The following PRKAR2A variants were observed in gnomAD, a reference collection of about 807,000 sequenced individuals.
The protein encoded by PRKAR2A is protein kinase cAMP-dependent type II regulatory subunit alpha.
A neutral mutation model predicts 51.9 loss-of-function variants in PRKAR2A; 29 were observed. That is an observed-to-expected ratio of 0.56 (90% CI 0.42 to 0.76). The LOEUF (loss-of-function observed/expected upper bound fraction) is 0.76, where lower values mean the gene tolerates loss of function less well. Ranked by LOEUF, PRKAR2A falls within the 30% of genes least tolerant of loss-of-function variation. The pLI, the probability that PRKAR2A is intolerant of heterozygous loss-of-function variation, is 0.00. For missense variants in PRKAR2A, 445 were observed against 512.1 expected (o/e 0.87, Z 1.26); for synonymous variants, 178 against 186.2 (o/e 0.96, Z 0.36).
chr3:48,791,285 TAAA>T (rs35380085), intron 3 of PRKAR2A, among the ~76,000 whole-genome samples: 8 of 43,744 alleles, frequency 1.8e-4, no homozygotes, highest in Admixed American at 9.6e-4. Flanking sequence ...GATTCCATCT[TAAA>T]AAAAAAAAAA....
chr3:48,819,252 G>A (rs2107397453), intron 1 of PRKAR2A, among the ~76,000 whole-genome samples: 1 of 152,332 alleles, frequency 6.6e-6, no homozygotes, highest in East Asian at 1.9e-4. Flanking sequence ...CTGACTTCAG[G>A]TGATCCGCCA....
intron 1 of PRKAR2A, among the ~76,000 whole-genome samples, chr3:48,826,242 G>A (rs2083061701): frequency 6.6e-6 from 1 of 152,150 alleles, no homozygotes; most frequent in Admixed American, 6.5e-5. Context: ...TTCCAGCCTG[G>A]GTGACAGAAG....
At chr3:48,844,869 T>C (rs910688408) in intron 1 of PRKAR2A, among the ~76,000 whole-genome samples, 1 of 146,458 alleles carries the variant, frequency 6.8e-6, no homozygotes, top group Non-Finnish European at 1.5e-5. Flanking sequence ...TTAGGAGATA[T>C]ACCTAATGCT....
At chr3:48,816,809 T>A (rs746303721) in intron 1 of PRKAR2A, among the ~76,000 whole-genome samples, 4 of 152,070 alleles carry the variant, frequency 2.6e-5, no homozygotes, top group Non-Finnish European at 5.9e-5. Flanking sequence ...AATGCAAGTT[T>A]AAAAGGAGAG....
intron 1 of PRKAR2A, among the ~76,000 whole-genome samples, chr3:48,811,555 C>CA (rs375335569): frequency 2.0e-4 from 30 of 152,126 alleles, no homozygotes; most frequent in Admixed American, 6.5e-4. Flanking sequence ...CAGCCAGACA[C>CA]AAAAAAATCA....
intron 1 of PRKAR2A, among the ~76,000 whole-genome samples, chr3:48,841,041 C>A (rs912702885): frequency 1.3e-5 from 2 of 150,748 alleles, no homozygotes; most frequent in African/African-American, 4.9e-5. Context: ...ACCACCACAC[C>A]CAGCTAATTT....
chr3:48,826,781 T>C (rs900114805), intron 1 of PRKAR2A, among the ~76,000 whole-genome samples: 1 of 151,872 alleles, frequency 6.6e-6, no homozygotes. Flanking sequence ...TTAGACACAT[T>C]ATGCCAGGAA....
intron 1 of PRKAR2A, 115 bp from the exon 2 acceptor site, chr3:48,807,799 G>A: frequency 1.3e-6 from 1 of 768,646 alleles, no homozygotes; most frequent in Non-Finnish European, 2.3e-6. Flanking sequence ...ACCAAGCAGT[G>A]GGTCAGTTCA....
At chr3:48,773,459 T>C (rs2082060433) in intron 5 of PRKAR2A, among the ~76,000 whole-genome samples, 2 of 148,468 alleles carry the variant, frequency 1.3e-5, no homozygotes, top group African/African-American at 5.0e-5. Context: ...TTCTCCTGCC[T>C]CAGCCTCCCG....
At chr3:48,785,994 A>C (rs1286565076) in intron 4 of PRKAR2A, among the ~76,000 whole-genome samples, 2 of 152,188 alleles carry the variant, frequency 1.3e-5, no homozygotes, top group Non-Finnish European at 2.9e-5. Context: ...CAAATATACT[A>C]ATCAGAAAAA....
intron 8 of PRKAR2A, among the ~76,000 whole-genome samples, chr3:48,759,630 G>A (rs200472956): frequency 1.2e-4 from 19 of 152,156 alleles, no homozygotes; most frequent in African/African-American, 3.6e-4. Context: ...CAGGTGATCC[G>A]CCTGCCTCGG....
In PRKAR2A at chr3:48,773,082, T is replaced by C; in HGVS notation, c.569A>G (p.Lys190Arg). The C allele has an allele frequency of 6.2e-7, 1 of 1,610,280 alleles. No individual in the cohort carries two copies. Among genetic ancestry groups the C allele is most frequent in the Non-Finnish European group, 8.5e-7 (1 of 1,177,830 alleles). Residue 190 changes from lysine to arginine, a missense_variant, in exon 6 of 11, where the codon AAA becomes AGA. Lys to Arg is a conservative substitution (Grantham distance 26, BLOSUM62 2). Coordinates refer to ENST00000265563, the MANE Select transcript of PRKAR2A (RefSeq NM_004157.4). ...ACCAACAGAGCGGGTTTGATTATCTTTTGTTACTAAAATGTCATAAGTTCC... is the reference window on the plus strand; with the variant it reads ...ACCAACAGAGCGGGTTTGATTATCTCTTGTTACTAAAATGTCATAAGTTCC... Reference protein sequence around the residue: ...ERGTYDILVTKDNQTRSVGQY... With the variant: ...ERGTYDILVTRDNQTRSVGQY...
intron 1 of PRKAR2A, among the ~76,000 whole-genome samples, chr3:48,807,919 T>C (rs1157798891): frequency 6.6e-6 from 1 of 152,248 alleles, no homozygotes; most frequent in East Asian, 1.9e-4. Context: ...ATATTCAACC[T>C]GGCAATTTTA....
chr3:48,784,577 C>T (rs1243193953), intron 4 of PRKAR2A, among the ~76,000 whole-genome samples: 2 of 152,134 alleles, frequency 1.3e-5, no homozygotes, highest in Admixed American at 6.6e-5. Context: ...TGCTGGAAGC[C>T]GCTTGTTCTG....
chr3:48,798,510 T>C (rs1325528340), intron 2 of PRKAR2A, among the ~76,000 whole-genome samples: 1 of 152,192 alleles, frequency 6.6e-6, no homozygotes, highest in Non-Finnish European at 1.5e-5. Flanking sequence ...TTGACCTTAA[T>C]TCAGTGTATT....
chr3:48,835,563 C>A (rs1219400146), intron 1 of PRKAR2A, among the ~76,000 whole-genome samples: 1 of 151,010 alleles, frequency 6.6e-6, no homozygotes, highest in Non-Finnish European at 1.5e-5. Flanking sequence ...ATGGTGTGAC[C>A]CAGGAGGCAG....
At chr3:48,824,960 A>G (rs915554340) in intron 1 of PRKAR2A, among the ~76,000 whole-genome samples, 6 of 152,028 alleles carry the variant, frequency 3.9e-5, no homozygotes, top group African/African-American at 1.4e-4. Context: ...AAGAAAAAGA[A>G]AAAAAAGGCA....
chr3:48,842,051 A>T (rs941961175), intron 1 of PRKAR2A, among the ~76,000 whole-genome samples: 7 of 152,110 alleles, frequency 4.6e-5, no homozygotes, highest in Admixed American at 2.0e-4. Flanking sequence ...ATGAGCATGG[A>T]ATGTTCTTCC....
chr3:48,841,347 C>G (rs1028290294), intron 1 of PRKAR2A, among the ~76,000 whole-genome samples: 1 of 151,094 alleles, frequency 6.6e-6, no homozygotes, highest in African/African-American at 2.4e-5. Context: ...AGTTTGAGAC[C>G]AGCCTGGTCA....
Sources: gnomAD v4.1 joint callset for allele counts (sites outside exome capture counted in the v4.1 genomes callset) on GRCh38, gnomAD v4.1.1 for gene constraint, MANE v1.5 for transcripts, NCBI Gene and HGNC (gene_info 2026-07-23, HGNC 2026-07-21) for gene names.